The following FGD4 variants were observed in gnomAD, a reference collection of about 807,000 sequenced individuals.
FGD4 encodes FYVE, RhoGEF and PH domain-containing protein 4.
In FGD4, 42 loss-of-function variants were observed where a neutral mutation model predicts 102.0. The observed-to-expected ratio is 0.41, with a 90% CI of 0.32 to 0.53. The LOEUF (loss-of-function observed/expected upper bound fraction) is 0.53, where lower values mean the gene tolerates loss of function less well. Among genes scored for constraint, FGD4 ranks in the 20% least tolerant of loss-of-function variants. The pLI is 0.21. For synonymous variants in FGD4, 380 were observed against 375.7 expected, an observed-to-expected ratio of 1.01 and a Z score of -0.13; for missense variants, 902 against 1,078.2, an observed-to-expected ratio of 0.84 and a Z score of 2.29.
chr12:32,427,515 G>A (rs146876241), intron 1 of FGD4, among the ~76,000 whole-genome samples: 1,555 of 152,314 alleles, frequency 0.01, 11 homozygotes, highest in Non-Finnish European at 0.015. Context: ...TAAGTGAGAT[G>A]TGGTGCTGAG....
At chr12:32,454,343 A>C (rs1942895128) in intron 1 of FGD4, among the ~76,000 whole-genome samples, 1 of 152,214 alleles carries the variant, frequency 6.6e-6, no homozygotes, top group Non-Finnish European at 1.5e-5. Context: ...GCAAAATCTC[A>C]GTTGCCCAAA....
chr12:32,457,970 C>G (rs957470654), intron 1 of FGD4, among the ~76,000 whole-genome samples: 2 of 151,292 alleles, frequency 1.3e-5, no homozygotes, highest in Non-Finnish European at 2.9e-5. Context: ...AATTAGGTAA[C>G]ATAATTTCCT....
In FGD4 at chr12:32,406,189, G is replaced by A. The variant is rs376681414; in HGVS notation, c.166+6230G>A. Among the ~76,000 whole-genome samples, 77 of 152,036 alleles carry A rather than the reference G, an allele frequency of 5.1e-4. No homozygotes were observed. In the South Asian group the frequency reaches 0.015, roughly 30 times the overall value. ...ACTCCCGACCTCAGGTGATCCGCCCGCCTCAGCCTCCCAAAGTGTTGGGAT... is the reference window on the plus strand; with the variant it reads ...ACTCCCGACCTCAGGTGATCCGCCCACCTCAGCCTCCCAAAGTGTTGGGAT... On this transcript the variant is annotated intron_variant, in intron 1 of 16. Transcript: ENST00000534526.
At chr12:32,413,735 T>G (rs1036181992) in intron 1 of FGD4, among the ~76,000 whole-genome samples, 2 of 152,202 alleles carry the variant, frequency 1.3e-5, no homozygotes, top group Admixed American at 1.3e-4. Flanking sequence ...GCGTGCTTTC[T>G]CTGGACCTCT....
chr12:32,560,363 C>T (rs762081275), intron 1 of FGD4, among the ~76,000 whole-genome samples: 1 of 152,102 alleles, frequency 6.6e-6, no homozygotes, highest in Non-Finnish European at 1.5e-5. Context: ...GCCATCCTCG[C>T]ACCTCGGCCT....
intron 4 of FGD4, among the ~76,000 whole-genome samples, chr12:32,585,996 T>G (rs1947001275): frequency 6.7e-6 from 1 of 150,106 alleles, no homozygotes; most frequent in African/African-American, 2.5e-5. Flanking sequence ...GGGATGGGGG[T>G]GAGTGAAAGT....
chr12:32,547,261 G>A (rs1943297948), intron 1 of FGD4, among the ~76,000 whole-genome samples: 1 of 151,892 alleles, frequency 6.6e-6, no homozygotes, highest in African/African-American at 2.4e-5. Context: ...AAGATGATGA[G>A]ACTCAGTCTC....
At position 32,563,992 on chromosome 12, in the gene FGD4, A is replaced by G. The variant is rs892891366; in HGVS notation, c.167-145A>G. ...GCTCGGCATCAGAGGGAGACCGTGGAAAGAGAGGGAGACCGTGGAAAGGGG... is the reference window on the plus strand; with the variant it reads ...GCTCGGCATCAGAGGGAGACCGTGGGAAGAGAGGGAGACCGTGGAAAGGGG... On this transcript the variant is annotated intron_variant, in intron 1 of 16. Transcript: ENST00000534526. 9 of 782,300 alleles carry G rather than the reference A, an allele frequency of 1.2e-5. No homozygotes were observed. The Admixed American group carries it at 2.6e-4, about 22-fold the overall frequency. The allele number at this position is 782,300 out of a possible 1,614,324, so 48.5% of individuals were successfully genotyped here. A position where few individuals can be genotyped will look rare whatever the true frequency, so the allele number is the denominator to read the frequency against.
intron 1 of FGD4, among the ~76,000 whole-genome samples, chr12:32,402,313 GC>G (rs1940709084): frequency 6.6e-6 from 1 of 151,480 alleles, no homozygotes; most frequent in African/African-American, 2.4e-5. Context: ...TGGGAGGATC[GC>G]TTGCGCTCAG....
chr12:32,505,726 T>C (rs1938654671), intron 1 of FGD4, among the ~76,000 whole-genome samples: 1 of 152,242 alleles, frequency 6.6e-6, no homozygotes, highest in South Asian at 2.1e-4. Flanking sequence ...ACCACGGCTC[T>C]GTACGGCTAA....
At chr12:32,604,973 C>G (rs1053024686) in intron 7 of FGD4, among the ~76,000 whole-genome samples, 1 of 109,308 alleles carries the variant, frequency 9.1e-6, no homozygotes, top group Non-Finnish European at 1.7e-5. Flanking sequence ...GAGTCTTGCT[C>G]TGTCACCCAG....
intron 2 of FGD4, 39 bp downstream of exon 2, chr12:32,564,328 T>C: frequency 1.3e-6 from 2 of 1,527,886 alleles, no homozygotes; most frequent in Non-Finnish European, 1.7e-6. Flanking sequence ...GTGGGTACGT[T>C]GTTGATCAAT....
chr12:32,630,812 CAAA>C (rs530800673), intron 14 of FGD4, among the ~76,000 whole-genome samples: 3 of 125,450 alleles, frequency 2.4e-5, no homozygotes, highest in Non-Finnish European at 1.7e-5. Context: ...GAGACTATGT[CAAA>C]AAAAAAAAAA....
At chr12:32,595,600 C>T (rs780724591) in intron 4 of FGD4, among the ~76,000 whole-genome samples, 1 of 152,170 alleles carries the variant, frequency 6.6e-6, no homozygotes, top group Non-Finnish European at 1.5e-5. Flanking sequence ...TTCAGGGCCC[C>T]ACCTTTTGAT....
At chr12:32,469,145 G>A (rs996625865) in intron 1 of FGD4, among the ~76,000 whole-genome samples, 1 of 151,884 alleles carries the variant, frequency 6.6e-6, no homozygotes. Flanking sequence ...GGTTTCTATC[G>A]GATTTTTAAA....
At position 32,453,583 on chromosome 12, in the gene FGD4, T is replaced by A. The variant is rs955897053; in HGVS notation, c.166+53624T>A. On this transcript the variant is annotated intron_variant, in intron 1 of 16. Transcript: ENST00000534526. Reference sequence around the variant, plus strand: ...TCCTGGATAAGAACTCCAGTTTGGCTGATAAATTTTGTGTGCTCATCCTAC... The same window carrying A: ...TCCTGGATAAGAACTCCAGTTTGGCAGATAAATTTTGTGTGCTCATCCTAC... Among the ~76,000 whole-genome samples, 7 of 152,118 alleles carry A rather than the reference T, an allele frequency of 4.6e-5. 1 individual carries two copies. The highest frequency in any genetic ancestry group is 4.6e-4 in the Admixed American group (7 of 15,256).
chr12:32,479,999 C>T (rs752400162), intron 1 of FGD4, among the ~76,000 whole-genome samples: 3 of 151,650 alleles, frequency 2.0e-5, no homozygotes, highest in Non-Finnish European at 4.4e-5. Flanking sequence ...CCATGTTGCT[C>T]AGCGTGGTCT....
At chr12:32,596,824 A>G (rs982461560) in intron 4 of FGD4, among the ~76,000 whole-genome samples, 1 of 151,828 alleles carries the variant, frequency 6.6e-6, no homozygotes, top group Non-Finnish European at 1.5e-5. Context: ...AATCTCAGCT[A>G]CTCGGGAGAC....
In FGD4 at chr12:32,402,117, A is replaced by ATT. The variant is rs56852726; in HGVS notation, c.166+2186_166+2187dup. On this transcript the variant is annotated intron_variant, in intron 1 of 16. Transcript: ENST00000534526. ...CGGAGTTTCACCATGTTGGCCAGGC[A>ATT]TTTTTTTTTTTTTTTTTTTTTTTTT... Among the ~76,000 whole-genome samples the ATT allele has an allele frequency of 1.2e-3, 123 of 105,182 alleles. 1 individual carries two copies. The highest frequency in any genetic ancestry group is 3.1e-3 in the African/African-American group (86 of 27,854). The allele number at this position is 105,182 out of a possible 152,430, so 69.0% of individuals were successfully genotyped here. A position where few individuals can be genotyped will look rare whatever the true frequency, so the allele number is the denominator to read the frequency against.
Sources: allele counts gnomAD v4.1 joint callset (sites outside exome capture counted in the v4.1 genomes callset), GRCh38; gene constraint gnomAD v4.1.1; transcripts MANE v1.5; gene names NCBI Gene and HGNC (gene_info 2026-07-23, HGNC 2026-07-21).